Variants in CHD6 observed in about 807,000 individuals in gnomAD.
CHD6 encodes chromodomain helicase DNA binding protein 6.
CHD6 carries 50 observed loss-of-function variants against 276.9 expected under a neutral mutation model. That is an observed-to-expected ratio of 0.18 (90% CI 0.14 to 0.23). The LOEUF (loss-of-function observed/expected upper bound fraction) is 0.23. CHD6 is among the 10% of genes least tolerant of loss of function. The pLI, the probability that CHD6 is intolerant of heterozygous loss-of-function variation, is 1.00. For missense variants in CHD6, 2,564 were observed against 3,365.8 expected (o/e 0.76, Z 5.89); for synonymous variants, 1,173 against 1,229.3 (o/e 0.95, Z 0.96).
At position 41,416,755 on chromosome 20, in the gene CHD6, C is replaced by T. The variant is rs753612503; in HGVS notation, c.6319G>A (p.Val2107Met). The change falls in exon 33 of 37, where the codon GTG becomes ATG. Residue 2107 changes from valine (V) to methionine (M), a missense_variant. Transcript: ENST00000373233. ...GAGGGCCACTTCCCCTTTAACACCA[C>T]GTGGCAGATATTATCTAGGCGGTTA... The part of the protein sequence containing the change: ...IINRLDNICH[V>M]VLKGKWPSSQ... The T allele has an allele frequency of 9.9e-6, 16 of 1,608,146 alleles. No homozygotes were observed. The highest frequency in any genetic ancestry group is 1.3e-5 in the African/African-American group (1 of 74,882).
chr20:41,484,406 T>A lies in CHD6; in HGVS notation c.2203A>T (p.Ile735Phe), dbSNP rs1216434969. 6.2e-7 allele frequency: 1 copy of A among 1,608,950 alleles called. No individual in the cohort carries two copies. The change falls in exon 15 of 37, where the codon ATC (isoleucine) becomes TTC (phenylalanine). Residue 735 changes from isoleucine to phenylalanine, a missense_variant. This residue lies in a region of CHD6 where 457 missense variants were observed against 889.0 expected (regional missense o/e 0.51). Coordinates refer to ENST00000373233, the MANE Select transcript of CHD6 (RefSeq NM_032221.5). The part of the protein sequence containing the change: ...GANQHNMPNL[I>F]NTMMELRKCC... ...TTCCTCAGCTCCATCATGGTGTTGA[T>A]GAGATTGGGCATGTTGTGCTGATTT... is the stretch of plus-strand genomic sequence containing the variant.
chr20:41,445,677 C>T lies in CHD6; in HGVS notation c.3865G>A (p.Val1289Met). The T allele has an allele frequency of 6.2e-7, 1 of 1,611,032 alleles. No homozygotes were observed. Among genetic ancestry groups the T allele is most frequent in the Non-Finnish European group, 8.5e-7 (1 of 1,177,228 alleles). The change falls in exon 25 of 37, where the codon GTG becomes ATG. Residue 1289 changes from valine to methionine, a missense_variant. Around this residue, in one of 7 missense-constraint regions of CHD6, gnomAD observed 515 missense variants for 739.5 expected, o/e 0.70. Coordinates refer to ENST00000373233, the MANE Select transcript of CHD6 (RefSeq NM_032221.5). ...AEADKSLLIG[V>M]FKHGYERYNA... Reference sequence around the variant, plus strand: ...GAGAAATACACACCATGCTTGAACACGCCAATGAGAAGTGACTTATCGGCT... The same window carrying T: ...GAGAAATACACACCATGCTTGAACATGCCAATGAGAAGTGACTTATCGGCT...
intron 27 of CHD6, among the ~76,000 whole-genome samples, chr20:41,427,538 G>A (rs1364377769): frequency 6.6e-6 from 1 of 152,148 alleles, no homozygotes. Flanking sequence ...TGGCAGAGCT[G>A]GGATTCAAAT....
intron 1 of CHD6, among the ~76,000 whole-genome samples, chr20:41,567,508 T>C (rs892005241): frequency 2.6e-5 from 4 of 152,106 alleles, no homozygotes; most frequent in Non-Finnish European, 4.4e-5. Context: ...GCCTGTCTCC[T>C]GTGCTGCTGC....
At position 41,420,828 on chromosome 20, in the gene CHD6, C is replaced by T. The variant is rs1276610818; in HGVS notation, c.5807G>A (p.Cys1936Tyr). The change falls in exon 31 of 37, where the codon TGT (cysteine) becomes TAT (tyrosine). Residue 1936 changes from cysteine (C) to tyrosine (Y), a missense_variant. This residue lies in a region of CHD6 where 1,024 missense variants were observed against 1,047.9 expected (regional missense o/e 0.98). Coordinates refer to ENST00000373233, the MANE Select transcript of CHD6 (RefSeq NM_032221.5). ...LQRAFPAPAA[C>Y]QCHCKHMERW... Reference sequence around the variant, plus strand: ...CTCCATGTGTTTGCAGTGGCACTGACAGGCTGCTGGAGCGGGGAAAGCCCT... The same window carrying T: ...CTCCATGTGTTTGCAGTGGCACTGATAGGCTGCTGGAGCGGGGAAAGCCCT... 1 of 1,614,220 alleles carries T rather than the reference C, an allele frequency of 6.2e-7. No homozygotes were observed. The highest frequency in any genetic ancestry group is 1.7e-5 in the Admixed American group (1 of 60,024).
rs58696183 is a variant in CHD6 at position 41,419,554 on chromosome 20, CAAAAAAAAAAAAAAAAAAAAAAA to C, written c.6127+931_6127+953del. Among the ~76,000 whole-genome samples the C allele has an allele frequency of 1.7e-4, 4 of 23,442 alleles. No homozygotes were observed. The Admixed American group carries it at 3.3e-3, about 19-fold the overall frequency. 15.4% of individuals were successfully genotyped at this position (23,442 alleles called of 152,430 possible). A position where few individuals can be genotyped will look rare whatever the true frequency, so the allele number is the denominator to read the frequency against. ...TGGGTGACAGAGCAAGACTCTGTCT[CAAAAAAAAAAAAAAAAAAAAAAA>C]AAAAAAAAAAAAAAGGCTAGATAAC... On this transcript the variant is annotated intron_variant, in intron 31 of 36. Transcript: ENST00000373233.
chr20:41,422,439 G>T (rs2047224815), intron 30 of CHD6, among the ~76,000 whole-genome samples: 1 of 152,032 alleles, frequency 6.6e-6, no homozygotes, highest in African/African-American at 2.4e-5. Context: ...AGGAGTTCAA[G>T]ACCAGCCCGG....
chr20:41,447,994 T>C, intron 23 of CHD6, 23 bp from the exon 24 acceptor site: 2 of 1,461,254 alleles, frequency 1.4e-6, no homozygotes, highest in Non-Finnish European at 1.9e-6. Context: ...AACACATTAA[T>C]GCAAACAAAT....
At chr20:41,609,980 C>T (rs972208589) in intron 1 of CHD6, among the ~76,000 whole-genome samples, 4 of 151,722 alleles carry the variant, frequency 2.6e-5, no homozygotes, top group Non-Finnish European at 5.9e-5. Context: ...CCTCAGCCTC[C>T]CAAGTAGCTG....
At chr20:41,553,839 C>A (rs569972818) in intron 1 of CHD6, among the ~76,000 whole-genome samples, 2 of 152,176 alleles carry the variant, frequency 1.3e-5, no homozygotes, top group African/African-American at 4.8e-5. Flanking sequence ...TTCTGCCCAA[C>A]AAAATGAAAT....
At position 41,416,750 on chromosome 20, in the gene CHD6, C is replaced by T. The variant is rs1231858271; in HGVS notation, c.6324G>A (p.Val2108=). The change falls in exon 33 of 37, where the codon GTG becomes GTA. Residue 2108 remains valine (V), a synonymous_variant. Transcript: ENST00000373233. ...GGCTAGAGGGCCACTTCCCCTTTAA[C>T]ACCACGTGGCAGATATTATCTAGGC... ...INRLDNICHV[V]LKGKWPSSQQ... 2 of 1,609,422 alleles carry T rather than the reference C, an allele frequency of 1.2e-6. No individual in the cohort carries two copies. Among genetic ancestry groups the T allele is most frequent in the Non-Finnish European group, 1.7e-6 (2 of 1,176,878 alleles).
intron 12 of CHD6, among the ~76,000 whole-genome samples, chr20:41,489,172 C>A (rs1486802397): frequency 6.6e-6 from 1 of 152,132 alleles, no homozygotes; most frequent in Non-Finnish European, 1.5e-5. Context: ...TAAATGTCTT[C>A]CAAGTGTCTC....
intron 17 of CHD6, among the ~76,000 whole-genome samples, chr20:41,465,768 G>T (rs544254066): frequency 3.3e-4 from 51 of 152,270 alleles, no homozygotes; most frequent in Non-Finnish European, 6.2e-4. Context: ...TTTAAAAAAG[G>T]TTAAAAAAAT....
At chr20:41,427,280 C>A (rs1308549620) in intron 27 of CHD6, among the ~76,000 whole-genome samples, 1 of 151,776 alleles carries the variant, frequency 6.6e-6, no homozygotes, top group African/African-American at 2.4e-5. Context: ...TTTTGGGCCC[C>A]TGATACGACG....
rs370922660 is a variant in CHD6 at position 41,586,318 on chromosome 20, T to C, written c.-24+32022A>G. On this transcript the variant is annotated intron_variant, in intron 1 of 36. Transcript: ENST00000373233. ...TCCGGATCCGGCAGGGTGTCCGCTG[T>C]GCTTCTGATCCAGCGAGGTGCCCAT... 6.4e-3 allele frequency among the ~76,000 whole-genome samples: 980 copies of C among 152,340 alleles called. 9 individuals are homozygous for C. The highest frequency in any genetic ancestry group is 0.024 in the Middle Eastern group (7 of 294).
chr20:41,478,434 T>C (rs915982743), intron 16 of CHD6, among the ~76,000 whole-genome samples: 1 of 152,070 alleles, frequency 6.6e-6, no homozygotes, highest in South Asian at 2.1e-4. Context: ...TGGAGAAGAA[T>C]AGAAATTTGT....
chr20:41,494,556 C>T (rs927314524), intron 8 of CHD6, among the ~76,000 whole-genome samples: 4 of 152,158 alleles, frequency 2.6e-5, no homozygotes, highest in Admixed American at 6.5e-5. Flanking sequence ...AACTACCTTA[C>T]GGAGTAGGTA....
chr20:41,404,678 G>C lies in CHD6; in HGVS notation c.8063C>G (p.Pro2688Arg). 1 of 1,562,140 alleles carries C rather than the reference G, an allele frequency of 6.4e-7. No homozygotes were observed. Among genetic ancestry groups the C allele is most frequent in the Admixed American group, 1.9e-5 (1 of 52,138 alleles). The change falls in exon 37 of 37, where the codon CCC (proline) becomes CGC (arginine). Residue 2688 changes from proline to arginine, a missense_variant. Around this residue, in one of 7 missense-constraint regions of CHD6, gnomAD observed 238 missense variants for 266.0 expected, o/e 0.89. Transcript: ENST00000373233. ...TCTCTCTGCGGGCAAAGGGGCACTG[G>C]GTTCGGCACAGTTCTCATCACCGCT... ...EPSGDENCAEPSAPLPAEREH... is the reference protein window; with the variant it reads ...EPSGDENCAERSAPLPAEREH...
At chr20:41,492,845 C>T (rs762539146) in intron 10 of CHD6, among the ~76,000 whole-genome samples, 1 of 152,184 alleles carries the variant, frequency 6.6e-6, no homozygotes, top group Non-Finnish European at 1.5e-5. Flanking sequence ...TGCTTGAACT[C>T]GGGAGATGGA....
Sources: allele counts gnomAD v4.1 joint callset (sites outside exome capture counted in the v4.1 genomes callset), GRCh38; gene constraint gnomAD v4.1.1; regional missense constraint gnomAD v4.1.1; transcripts MANE v1.5; gene names NCBI Gene and HGNC (gene_info 2026-07-23, HGNC 2026-07-21).